Variants in FAT2 observed in about 807,000 individuals in gnomAD.
FAT2 encodes protocadherin Fat 2.
A neutral mutation model predicts 295.3 loss-of-function variants in FAT2; 150 were observed. The observed-to-expected ratio is 0.51, with a 90% CI of 0.44 to 0.58. The LOEUF is 0.58. Ranked by LOEUF, FAT2 falls within the 20% of genes least tolerant of loss-of-function variation. The pLI is 0.00. For missense variants in FAT2, 4,868 were observed against 5,442.7 expected (o/e 0.89, Z 3.32); for synonymous variants, 2,026 against 2,150.3 (o/e 0.94, Z 1.60).
chr5:151,517,883 C>G (rs1753024136), intron 19 of FAT2, 118 bp from the exon 20 acceptor site: 1 of 1,250,220 alleles, frequency 8.0e-7, no homozygotes, highest in Non-Finnish European at 1.1e-6. Flanking sequence ...ATATTTTATA[C>G]ATGAAGAAAC....
intron 8 of FAT2, among the ~76,000 whole-genome samples, chr5:151,550,185 G>A (rs1276228853): frequency 1.8e-4 from 27 of 152,200 alleles, no homozygotes. Flanking sequence ...ACATGGCCCA[G>A]AGAGTGAGCC....
intron 4 of FAT2, among the ~76,000 whole-genome samples, chr5:151,554,891 A>C (rs1757550409): frequency 6.6e-6 from 1 of 152,248 alleles, no homozygotes; most frequent in African/African-American, 2.4e-5. Flanking sequence ...GGAAGAAGAC[A>C]GAGTCAGAGT....
Position 151,566,844 on chromosome 5 carries a change from A to T in FAT2, c.2088T>A (p.Asp696Glu). ...ATGTGCTTAAAGAAGTGAATTCCTC[A>T]TCACTGGACTCCTGGTTCTGAAGCC... The part of the protein sequence containing the change: ...FIGLQNQESS[D>E]EEFTSLSTYQ... Residue 696 changes from aspartate to glutamate, a missense_variant, in exon 2 of 24, where the codon GAT (aspartate) becomes GAA (glutamate). By Grantham distance (45) the Asp-to-Glu change is conservative (BLOSUM62 2). Around this residue, in one of 5 missense-constraint regions of FAT2, gnomAD observed 3,297 missense variants for 3,669.4 expected, o/e 0.90. Transcript: ENST00000261800. The T allele has an allele frequency of 6.2e-7, 1 of 1,614,150 alleles. No homozygotes were observed. The highest frequency in any genetic ancestry group is 8.5e-7 in the Non-Finnish European group (1 of 1,180,016).
chr5:151,554,615 C>A lies in FAT2; in HGVS notation c.3692G>T (p.Gly1231Val), dbSNP rs781673616. The A allele has an allele frequency of 6.2e-7, 1 of 1,614,004 alleles. No homozygotes were observed. The highest frequency in any genetic ancestry group is 8.5e-7 in the Non-Finnish European group (1 of 1,179,992). The change falls in exon 5 of 24, where the codon GGC becomes GTC. Residue 1231 changes from glycine (G) to valine (V), a missense_variant. By Grantham distance (109) the Gly-to-Val change is moderately radical (BLOSUM62 -3). Around this residue, in one of 5 missense-constraint regions of FAT2, gnomAD observed 3,297 missense variants for 3,669.4 expected, o/e 0.90. Transcript: ENST00000261800. ...SLKSTSRVVV[G>V]ILDVNDNPPI... ...TGGATTGTCATTGACGTCCAAGATG[C>A]CTACCACCACCCTGGAGGTGGACTT... is the stretch of plus-strand genomic sequence containing the variant.
intron 19 of FAT2, among the ~76,000 whole-genome samples, chr5:151,518,955 A>C (rs1753164764): frequency 6.6e-6 from 1 of 152,228 alleles, no homozygotes; most frequent in Non-Finnish European, 1.5e-5. Context: ...CAGCCTCTAG[A>C]TACCTAGCAA....
chr5:151,536,227 A>G (rs1428663459), intron 12 of FAT2, among the ~76,000 whole-genome samples: 4 of 152,168 alleles, frequency 2.6e-5, no homozygotes, highest in Admixed American at 2.6e-4. Flanking sequence ...TTCAGAAAAA[A>G]AAACGCCATT....
rs115869959 is a variant in FAT2, at chr5:151,553,986, A to G, written c.3945+376T>C. Among the ~76,000 whole-genome samples, 1,278 of 152,330 alleles carry G rather than the reference A, an allele frequency of 8.4e-3. 16 individuals are homozygous for G. The highest frequency in any genetic ancestry group is 0.029 in the African/African-American group (1,222 of 41,554). On this transcript the variant is annotated intron_variant, in intron 5 of 23. Transcript: ENST00000261800. The stretch of plus-strand genomic sequence containing the variant: ...CTACCTGATATATTGGCTTCTCACA[A>G]GAAAGACGTTCTTATCTCCATTTTA...
chr5:151,590,091 A>C (rs1001249821), intron 1 of FAT2, among the ~76,000 whole-genome samples: 7 of 152,186 alleles, frequency 4.6e-5, no homozygotes, highest in Non-Finnish European at 4.4e-5. Flanking sequence ...CAAAAATTTC[A>C]AAAGACCATG....
chr5:151,564,020 T>C (rs1383084180), intron 2 of FAT2, among the ~76,000 whole-genome samples: 2 of 152,280 alleles, frequency 1.3e-5, no homozygotes, highest in Non-Finnish European at 2.9e-5. Context: ...TTAAACTGTT[T>C]CCTTCACACT....
intron 18 of FAT2, among the ~76,000 whole-genome samples, chr5:151,523,517 CTG>C (rs1753697780): frequency 6.6e-6 from 1 of 152,158 alleles, no homozygotes; most frequent in South Asian, 2.1e-4. Flanking sequence ...TGTCTATAGC[CTG>C]TGTTTTTCTT....
In FAT2 at chr5:151,555,081, C is replaced by G. The variant is rs1362615051; in HGVS notation, c.3634-408G>C. Among the ~76,000 whole-genome samples the G allele has an allele frequency of 2.0e-5, 3 of 152,142 alleles. No homozygotes were observed. The East Asian group carries it at 5.8e-4, about 29-fold the overall frequency. On this transcript the variant is annotated intron_variant, in intron 4 of 23. Transcript: ENST00000261800. ...AGGGAATGAGTGGTACTTTTTGAGTCAGACATGTGCACGTGGCCTGATGCA... is the reference window on the plus strand; with the variant it reads ...AGGGAATGAGTGGTACTTTTTGAGTGAGACATGTGCACGTGGCCTGATGCA...
At chr5:151,581,151 T>C (rs1454272169) in intron 1 of FAT2, among the ~76,000 whole-genome samples, 3 of 152,132 alleles carry the variant, frequency 2.0e-5, no homozygotes, top group Non-Finnish European at 2.9e-5. Context: ...CTGCTGGTTG[T>C]GTGTGATTTT....
intron 1 of FAT2, among the ~76,000 whole-genome samples, chr5:151,590,875 T>C (rs1759372814): frequency 6.6e-6 from 1 of 152,192 alleles, no homozygotes. Flanking sequence ...ACTTTCCACG[T>C]GTGCAAATGT....
chr5:151,531,135 G>A lies in FAT2; in HGVS notation c.9811+452C>T, dbSNP rs947036612. On this transcript the variant is annotated intron_variant, in intron 14 of 23. Transcript: ENST00000261800. This position sits in a 1 kb window ranked among gnomAD's most constrained non-coding sequence, Gnocchi z 5.7. ...TCTCTCTCTCTTCAAGAGAATAAGG[G>A]AAAATTAAGGGGTGCCAGGATGTTT... 1.3e-5 allele frequency among the ~76,000 whole-genome samples: 2 copies of A among 152,150 alleles called. No homozygotes were observed. The highest frequency in any genetic ancestry group is 3.9e-4 in the East Asian group (2 of 5,184).
Position 151,542,795 on chromosome 5 carries a change from C to A in FAT2, c.8332G>T (p.Val2778Leu), listed in dbSNP as rs973696705. ...TGGATGTTGACAGAGACCAAGGACA[C>A]CACATCAGTGTTCTGAAGGCAATGT... ...MAHCLQNTDV[V>L]SLVSVNIQVG... Residue 2778 changes from valine (V) to leucine (L), a missense_variant, in exon 10 of 24, where the codon GTG (valine) becomes TTG (leucine). Around this residue, in one of 5 missense-constraint regions of FAT2, gnomAD observed 3,297 missense variants for 3,669.4 expected, o/e 0.90. Transcript: ENST00000261800. 2 of 1,614,200 alleles carry A rather than the reference C, an allele frequency of 1.2e-6. No individual in the cohort carries two copies. The highest frequency in any genetic ancestry group is 1.7e-5 in the Admixed American group (1 of 60,032).
In FAT2 at chr5:151,525,869, C is replaced by T. The variant is rs752499474; in HGVS notation, c.10405G>A (p.Gly3469Arg). The T allele has an allele frequency of 1.9e-6, 3 of 1,614,098 alleles. 1 individual carries two copies. The highest frequency in any genetic ancestry group is 1.1e-5 in the South Asian group (1 of 91,074). The change falls in exon 18 of 24, where the codon GGG becomes AGG. Residue 3469 changes from glycine to arginine, a missense_variant. By Grantham distance (125) the Gly-to-Arg change is moderately radical (BLOSUM62 -2). Transcript: ENST00000261800. ...GPPYSFRITK[G>R]NNGSAFRVTP... is the part of the protein sequence containing the mutation. ...ACTCGGAAGGCAGAGCCGTTGTTCC[C>T]CTTGGTGATTCGAAACGAGTAGGGG...
rs144992055 is a variant in FAT2 at position 151,545,020 on chromosome 5, T to C, written c.6107A>G (p.His2036Arg). ...GTCCCTCACTTCCACTGCCAACTCATGAGTGTCCTGCTGCTCCCGGTCAAA... is the reference window on the plus strand; with the variant it reads ...GTCCCTCACTTCCACTGCCAACTCACGAGTGTCCTGCTGCTCCCGGTCAAA... ...VAFDREQQDTHELAVEVRDNR... is the reference protein window; with the variant it reads ...VAFDREQQDTRELAVEVRDNR... The change falls in exon 10 of 24, where the codon CAT becomes CGT. Residue 2036 changes from histidine to arginine, a missense_variant. His to Arg is a conservative substitution (Grantham distance 29). Coordinates refer to ENST00000261800, the MANE Select transcript of FAT2 (RefSeq NM_001447.3). 5.0e-6 allele frequency: 8 copies of C among 1,614,092 alleles called. No individual in the cohort carries two copies. In the African/African-American group the frequency reaches 9.3e-5, roughly 19 times the overall value.
At position 151,568,821 on chromosome 5, in the gene FAT2, A is replaced by C. The variant is rs555362084; in HGVS notation, c.111T>G (p.His37Gln). ...AATTTTCATAGATGGTGGCATTGTAATGGGAGTGTGTGAAGTGCCAAGCAG... is the reference window on the plus strand; with the variant it reads ...AATTTTCATAGATGGTGGCATTGTACTGGGAGTGTGTGAAGTGCCAAGCAG... ...SSSAWHFTHS[H>Q]YNATIYENSS... Residue 37 changes from histidine to glutamine, a missense_variant, in exon 2 of 24, where the codon CAT becomes CAG. Coordinates refer to ENST00000261800, the MANE Select transcript of FAT2 (RefSeq NM_001447.3). 1.7e-5 allele frequency: 28 copies of C among 1,614,056 alleles called. 1 individual carries two copies. The South Asian group carries it at 3.0e-4, about 17-fold the overall frequency.
intron 19 of FAT2, among the ~76,000 whole-genome samples, chr5:151,520,187 G>A (rs1307508747): frequency 6.6e-6 from 1 of 152,224 alleles, no homozygotes; most frequent in Admixed American, 6.5e-5. Flanking sequence ...ACCCATAAAG[G>A]GCAGGTCAGG....
Sources: gnomAD v4.1 joint callset for allele counts (sites outside exome capture counted in the v4.1 genomes callset) on GRCh38, gnomAD v4.1.1 for gene constraint, gnomAD v4.1.1 regional missense constraint, Gnocchi (gnomAD v3.1) non-coding constraint, MANE v1.5 for transcripts, NCBI Gene and HGNC (gene_info 2026-07-23, HGNC 2026-07-21) for gene names.